Variants in SLC25A24 observed in about 807,000 individuals in gnomAD.
SLC25A24 encodes mitochondrial adenyl nucleotide antiporter SLC25A24.
A neutral mutation model predicts 60.7 loss-of-function variants in SLC25A24; 49 were observed. The observed-to-expected ratio is 0.81, with a 90% CI of 0.64 to 1.02. SLC25A24 has a LOEUF of 1.02. SLC25A24 is among the 50% of genes least tolerant of loss of function. SLC25A24 has a pLI of 0.00. For synonymous variants in SLC25A24, 202 were observed against 200.6 expected, an observed-to-expected ratio of 1.01 and a Z score of -0.06; for missense variants, 564 against 586.3, an observed-to-expected ratio of 0.96 and a Z score of 0.39.
intron 5 of SLC25A24, 79 bp from the exon 6 acceptor site, chr1:108,155,214 T>C: frequency 8.0e-7 from 1 of 1,253,914 alleles, no homozygotes; most frequent in East Asian, 2.5e-5. Flanking sequence ...CACAATCTTT[T>C]TCAATACCCT....
chr1:108,178,156 G>A (rs1043991730), intron 3 of SLC25A24, among the ~76,000 whole-genome samples: 3 of 135,866 alleles, frequency 2.2e-5, no homozygotes, highest in African/African-American at 8.5e-5. Context: ...GTGAGACTCC[G>A]TCTCAAAAAC....
chr1:108,166,743 C>A (rs552438480), intron 3 of SLC25A24, among the ~76,000 whole-genome samples: 2 of 152,178 alleles, frequency 1.3e-5, no homozygotes, highest in African/African-American at 2.4e-5. Context: ...GTTTGAATGT[C>A]CTCCCATAGC....
chr1:108,138,751 G>T (rs1679359265), intron 9 of SLC25A24, among the ~76,000 whole-genome samples: 1 of 152,054 alleles, frequency 6.6e-6, no homozygotes, highest in Admixed American at 6.5e-5. Flanking sequence ...AAATCCATCA[G>T]ATACTAAAGC....
chr1:108,185,714 C>A, intron 2 of SLC25A24, 114 bp downstream of exon 2: 1 of 787,032 alleles, frequency 1.3e-6, no homozygotes, highest in Non-Finnish European at 2.0e-6. Flanking sequence ...AGTATTAACA[C>A]AAATAATAAT....
chr1:108,139,297 C>A, intron 8 of SLC25A24, 89 bp from the exon 9 acceptor site: 1 of 1,328,852 alleles, frequency 7.5e-7, no homozygotes, highest in Non-Finnish European at 1.0e-6. Flanking sequence ...TCATGAGAAG[C>A]CCCGTTTCTG....
intron 1 of SLC25A24, among the ~76,000 whole-genome samples, chr1:108,195,339 G>C (rs1403251023): frequency 1.3e-5 from 2 of 152,192 alleles, no homozygotes; most frequent in Non-Finnish European, 2.9e-5. Context: ...AATGTACATG[G>C]CTGTGGCCTA....
Position 108,181,385 on chromosome 1 carries a change from T to G in SLC25A24, c.398+556A>C, listed in dbSNP as rs1370152777. ...TTTGAGAGCACCTGGGCTGCAGAGA[T>G]TACTGCTCTATCCCATGAAACAAAA... On this transcript the variant is annotated intron_variant, in intron 3 of 9. Coordinates refer to ENST00000565488, the MANE Select transcript of SLC25A24 (RefSeq NM_013386.5). Among the ~76,000 whole-genome samples, 3 of 152,196 alleles carry G rather than the reference T, an allele frequency of 2.0e-5. No homozygotes were observed. The East Asian group carries it at 5.8e-4, about 29-fold the overall frequency.
At chr1:108,164,824 C>G (rs1680197678) in intron 3 of SLC25A24, among the ~76,000 whole-genome samples, 1 of 93,020 alleles carries the variant, frequency 1.1e-5, no homozygotes, top group Admixed American at 1.0e-4. Context: ...TTATTTCTTG[C>G]CTTCTGCTAG....
chr1:108,166,124 C>T (rs1048718434), intron 3 of SLC25A24, among the ~76,000 whole-genome samples: 1 of 152,220 alleles, frequency 6.6e-6, no homozygotes, highest in Non-Finnish European at 1.5e-5. Context: ...TATTGGCCCC[C>T]ACTCTCTTCT....
chr1:108,172,949 C>A (rs1169176883), intron 3 of SLC25A24, among the ~76,000 whole-genome samples: 3 of 151,704 alleles, frequency 2.0e-5, no homozygotes, highest in African/African-American at 7.3e-5. Context: ...CCCAAAAGTA[C>A]AAAAAAAGTC....
intron 4 of SLC25A24, among the ~76,000 whole-genome samples, chr1:108,158,415 T>A (rs540412807): frequency 1.9e-4 from 29 of 152,276 alleles, no homozygotes; most frequent in African/African-American, 6.5e-4. Context: ...CATTTTACTA[T>A]CAATAAAATG....
intron 3 of SLC25A24, among the ~76,000 whole-genome samples, chr1:108,173,177 G>C (rs895314309): frequency 6.6e-6 from 1 of 152,138 alleles, no homozygotes; most frequent in Non-Finnish European, 1.5e-5. Context: ...TACCAGCCTA[G>C]ATGATATGGT....
intron 3 of SLC25A24, among the ~76,000 whole-genome samples, chr1:108,171,348 T>A (rs960377701): frequency 1.3e-5 from 2 of 152,136 alleles, no homozygotes. Flanking sequence ...ACTATTATTG[T>A]CTAGTATTGT....
At chr1:108,143,437 T>G in intron 8 of SLC25A24, 106 bp downstream of exon 8, 1 of 930,742 alleles carries the variant, frequency 1.1e-6, no homozygotes, top group Non-Finnish European at 1.6e-6. Context: ...TGAATTTACT[T>G]CTGGTCACAC....
rs141926464 is a variant in SLC25A24, at chr1:108,150,269, T to C, written c.823-1883A>G. Among the ~76,000 whole-genome samples, 8 of 152,278 alleles carry C rather than the reference T, an allele frequency of 5.3e-5. No homozygotes were observed. The East Asian group carries it at 1.4e-3, about 26-fold the overall frequency. On this transcript the variant is annotated intron_variant, in intron 6 of 9. Coordinates refer to ENST00000565488, the MANE Select transcript of SLC25A24 (RefSeq NM_013386.5). Reference sequence around the variant, plus strand: ...CTCCTATTCCCCGAAACATACCATATACAAAGGGAAGACTTCAGGACAGAG... The same window carrying C: ...CTCCTATTCCCCGAAACATACCATACACAAAGGGAAGACTTCAGGACAGAG...
At chr1:108,142,533 T>C (rs1239138269) in intron 8 of SLC25A24, among the ~76,000 whole-genome samples, 1 of 152,184 alleles carries the variant, frequency 6.6e-6, no homozygotes, top group Non-Finnish European at 1.5e-5. Flanking sequence ...AGAAAAATAC[T>C]GTATGATTCT....
intron 2 of SLC25A24, among the ~76,000 whole-genome samples, chr1:108,185,019 G>T (rs1648067768): frequency 1.3e-5 from 2 of 152,090 alleles, no homozygotes; most frequent in South Asian, 4.1e-4. Context: ...ATTAGATAAG[G>T]TCTTCAGAGT....
In SLC25A24 at chr1:108,154,867, T is replaced by C. The variant is rs1679851741; in HGVS notation, c.822+116A>G. 5.7e-6 allele frequency: 4 copies of C among 707,712 alleles called. No homozygotes were observed. In the South Asian group the frequency reaches 6.7e-5, roughly 12 times the overall value. 43.8% of individuals were successfully genotyped at this position (707,712 alleles called of 1,614,324 possible). A position where few individuals can be genotyped will look rare whatever the true frequency, so the allele number is the denominator to read the frequency against. On this transcript the variant is annotated intron_variant, in intron 6 of 9. Transcript: ENST00000565488. ...TAAGTGATCCTCCTTATGGAGTATA[T>C]GTGAAAGATTATCATGTATTAAAAC...
At chr1:108,152,473 C>G (rs978812599) in intron 6 of SLC25A24, among the ~76,000 whole-genome samples, 2 of 152,068 alleles carry the variant, frequency 1.3e-5, no homozygotes, top group African/African-American at 4.8e-5. Context: ...CTCAAGTGAT[C>G]CTCCCACCTC....
Sources: gnomAD v4.1 joint callset for allele counts (sites outside exome capture counted in the v4.1 genomes callset) on GRCh38, gnomAD v4.1.1 for gene constraint, MANE v1.5 for transcripts, NCBI Gene and HGNC (gene_info 2026-07-23, HGNC 2026-07-21) for gene names.